SORCS2: variants seen among roughly 807,000 people sequenced by gnomAD.
SORCS2 encodes the protein sortilin related VPS10 domain containing receptor 2, also known as VPS10 domain-containing receptor SorCS2.
Under a neutral mutation model 141.6 loss-of-function variants are expected in SORCS2, and 100 were observed. That is an observed-to-expected ratio of 0.71 (90% confidence interval 0.60 to 0.83). The LOEUF (loss-of-function observed/expected upper bound fraction) is 0.83, where lower values mean the gene tolerates loss of function less well. Among genes scored for constraint, SORCS2 ranks in the 40% least tolerant of loss-of-function variants. The pLI is 0.00. For missense variants in SORCS2, 1,646 were observed against 1,560.2 expected (o/e 1.05, Z -0.93); for synonymous variants, 789 against 676.9 (o/e 1.17, Z -2.57).
At chr4:7,308,291 C>T (rs543446100) in intron 1 of SORCS2, among the ~76,000 whole-genome samples, 3 of 152,314 alleles carry the variant, frequency 2.0e-5, no homozygotes, top group African/African-American at 7.2e-5. Flanking sequence ...CCACCACCGC[C>T]TCCAACCCCC....
At chr4:7,320,055 C>G (rs1247025965) in intron 1 of SORCS2, among the ~76,000 whole-genome samples, 1 of 152,188 alleles carries the variant, frequency 6.6e-6, no homozygotes. Context: ...GTAATCCCAG[C>G]ACTTTGGGAG....
intron 10 of SORCS2, among the ~76,000 whole-genome samples, chr4:7,686,777 C>T (rs556484204): frequency 2.6e-5 from 4 of 152,312 alleles, no homozygotes; most frequent in East Asian, 3.9e-4. Flanking sequence ...CGTGGGAGTG[C>T]GTGTGTCAGA....
At chr4:7,703,446 A>T (rs1725211303) in intron 13 of SORCS2, 75 bp downstream of exon 13, 2 of 1,208,328 alleles carry the variant, frequency 1.7e-6, no homozygotes, top group African/African-American at 3.1e-5. Context: ...ACCCTCTCAG[A>T]CTAGTCCCCA....
intron 2 of SORCS2, among the ~76,000 whole-genome samples, chr4:7,405,153 G>A (rs796185305): frequency 1.3e-5 from 2 of 152,074 alleles, no homozygotes; most frequent in African/African-American, 4.8e-5. Context: ...TGGCAAAAAT[G>A]AGTTGGCTGT....
chr4:7,399,026 G>T (rs1487539059), intron 2 of SORCS2, among the ~76,000 whole-genome samples: 2 of 152,122 alleles, frequency 1.3e-5, no homozygotes, highest in African/African-American at 4.8e-5. Context: ...GGAGCTGAGG[G>T]CAGGAAGGGG....
intron 25 of SORCS2, chr4:7,735,345 C>G (rs1160116376): frequency 1.3e-5 from 2 of 154,590 alleles, no homozygotes; most frequent in Non-Finnish European, 2.9e-5. Context: ...CCCCCAACCC[C>G]TCCTCCTGCT....
intron 3 of SORCS2, among the ~76,000 whole-genome samples, chr4:7,583,243 C>T (rs1326564115): frequency 6.6e-6 from 1 of 152,122 alleles, no homozygotes; most frequent in Non-Finnish European, 1.5e-5. Flanking sequence ...TGTTCCTTTT[C>T]TCATGAGCTT....
At position 7,561,124 on chromosome 4, in the gene SORCS2, A is replaced by G. The variant is rs140435482; in HGVS notation, c.648+29495A>G. Among the ~76,000 whole-genome samples, 74 of 152,272 alleles carry G rather than the reference A, an allele frequency of 4.9e-4. No homozygotes were observed. In the East Asian group the frequency reaches 0.014, roughly 28 times the overall value. On this transcript the variant is annotated intron_variant, in intron 3 of 26. Transcript: ENST00000507866. ...CAAGGTCAGAAGCTGGGTGTCATTC[A>G]TCCCTGGGTGTCTAGAGTCCTACTC...
chr4:7,640,254 GTGTA>G lies in SORCS2; in HGVS notation c.813+1770_813+1773del, dbSNP rs559282183. Among the ~76,000 whole-genome samples the G allele has an allele frequency of 5.6e-3, 846 of 150,620 alleles. 4 individuals carry two copies. Among genetic ancestry groups the G allele is most frequent in the Admixed American group, 9.6e-3 (146 of 15,148 alleles). ...TGTGTGTGTGAGAACCTATGTGAGT[GTGTA>G]TGTATGTGAGCATGTGTGGGTGTGT... On this transcript the variant is annotated intron_variant, in intron 4 of 26. Transcript: ENST00000507866.
chr4:7,255,821 A>G (rs1017941864), intron 1 of SORCS2, among the ~76,000 whole-genome samples: 1 of 148,690 alleles, frequency 6.7e-6, no homozygotes, highest in African/African-American at 2.5e-5. Flanking sequence ...CCGGGGTTGG[A>G]GCGTGGGGAC....
chr4:7,407,115 T>C lies in SORCS2; in HGVS notation c.548+10760T>C, dbSNP rs73084245. 3.2e-3 allele frequency among the ~76,000 whole-genome samples: 492 copies of C among 152,266 alleles called. 5 individuals are homozygous for C. The highest frequency in any genetic ancestry group is 0.011 in the African/African-American group (444 of 41,588). On this transcript the variant is annotated intron_variant, in intron 2 of 26. Transcript: ENST00000507866. ...TCGTGGCCTAAGATATGGTCTATTC[T>C]GGAGAATGTTCTATGTGCTGATGAA... is the stretch of plus-strand genomic sequence containing the variant.
At chr4:7,640,544 A>G (rs986903057) in intron 4 of SORCS2, among the ~76,000 whole-genome samples, 1 of 151,074 alleles carries the variant, frequency 6.6e-6, no homozygotes, top group African/African-American at 2.4e-5. Flanking sequence ...GGGTGTGTGT[A>G]GATCTCCCTC....
intron 10 of SORCS2, among the ~76,000 whole-genome samples, chr4:7,685,343 T>A (rs1459033289): frequency 6.6e-6 from 1 of 152,056 alleles, no homozygotes; most frequent in Non-Finnish European, 1.5e-5. Flanking sequence ...CAGAGCCAAG[T>A]GCATGGAGCC....
Position 7,383,407 on chromosome 4 carries a change from C to T in SORCS2, c.481-12881C>T, listed in dbSNP as rs561636415. Among the ~76,000 whole-genome samples the T allele has an allele frequency of 1.2e-3, 183 of 152,308 alleles. 1 individual carries two copies. The highest frequency in any genetic ancestry group is 4.1e-3 in the African/African-American group (171 of 41,580). On this transcript the variant is annotated intron_variant, in intron 1 of 26. Coordinates refer to ENST00000507866, the MANE Select transcript of SORCS2 (RefSeq NM_020777.3). Reference sequence around the variant, plus strand: ...CCCCTCCTCCCCCTGCAAGAGGCAGCGCTTCCTTTGTGCCTGGCACCTCTG... The same window carrying T: ...CCCCTCCTCCCCCTGCAAGAGGCAGTGCTTCCTTTGTGCCTGGCACCTCTG...
intron 1 of SORCS2, among the ~76,000 whole-genome samples, chr4:7,307,082 C>A (rs1717884070): frequency 6.6e-6 from 1 of 152,156 alleles, no homozygotes; most frequent in Admixed American, 6.5e-5. Flanking sequence ...TTGGGAGAAA[C>A]CGAGGCTGGG....
At position 7,729,827 on chromosome 4, in the gene SORCS2, T is replaced by G; in HGVS notation, c.3108+115T>G. 1.4e-6 allele frequency: 2 copies of G among 1,420,264 alleles called. 1 individual carries two copies. Among genetic ancestry groups the G allele is most frequent in the South Asian group, 2.8e-5 (2 of 70,488 alleles). The allele number at this position is 1,420,264 out of a possible 1,614,324, so 88.0% of individuals were successfully genotyped here. ...CATGGCATAAAGGCGTCTTTCTCGC[T>G]GCATCTCAGTCTGACTCAGGGTGGC... On this transcript the variant is annotated intron_variant, in intron 23 of 26. Coordinates refer to ENST00000507866, the MANE Select transcript of SORCS2 (RefSeq NM_020777.3).
chr4:7,435,079 C>G (rs1727208374), intron 2 of SORCS2: 6 of 594,210 alleles, frequency 1.0e-5, no homozygotes, highest in Non-Finnish European at 1.7e-5. Flanking sequence ...CTATCCCTCC[C>G]CTCTTTTCCC....
At chr4:7,582,072 A>T (rs1716196729) in intron 3 of SORCS2, among the ~76,000 whole-genome samples, 2 of 152,170 alleles carry the variant, frequency 1.3e-5, no homozygotes, top group African/African-American at 4.8e-5. Context: ...TGATTTGGCC[A>T]TTTTTGTGGT....
intron 7 of SORCS2, among the ~76,000 whole-genome samples, chr4:7,665,235 C>T (rs934309827): frequency 2.0e-5 from 3 of 152,184 alleles, no homozygotes; most frequent in Admixed American, 6.5e-5. Flanking sequence ...CACACTTGGT[C>T]ACCCCAGCAG....
Sources: allele counts gnomAD v4.1 joint callset (sites outside exome capture counted in the v4.1 genomes callset), GRCh38; gene constraint gnomAD v4.1.1; transcripts MANE v1.5; gene names NCBI Gene and HGNC (gene_info 2026-07-23, HGNC 2026-07-21).